The following NAV2 variants were observed in gnomAD, a reference collection of about 807,000 sequenced individuals.
NAV2 encodes neuron navigator 2.
Under a neutral mutation model 223.2 loss-of-function variants are expected in NAV2, and 54 were observed. The observed-to-expected ratio is 0.24, with a 90% confidence interval of 0.19 to 0.30. The LOEUF is 0.30. NAV2 is among the 10% of genes least tolerant of loss of function. NAV2 has a pLI of 1.00. For missense variants in NAV2, 2,806 were observed against 3,147.5 expected (o/e 0.89, Z 2.60); for synonymous variants, 1,279 against 1,239.3 (o/e 1.03, Z -0.67).
At chr11:19,683,066 G>A (rs1183395575) in intron 1 of NAV2, among the ~76,000 whole-genome samples, 1 of 152,156 alleles carries the variant, frequency 6.6e-6, no homozygotes, top group Non-Finnish European at 1.5e-5. Context: ...AGAAGATCTG[G>A]GTTTCAGTGA....
chr11:19,723,114 G>A (rs2050905337), intron 1 of NAV2, among the ~76,000 whole-genome samples: 1 of 152,174 alleles, frequency 6.6e-6, no homozygotes, highest in Non-Finnish European at 1.5e-5. Context: ...TACCTTGGAT[G>A]GAGGACCTGA....
chr11:19,440,531 T>C (rs749476076), intron 1 of NAV2, among the ~76,000 whole-genome samples: 1 of 152,210 alleles, frequency 6.6e-6, no homozygotes, highest in Admixed American at 6.5e-5. Context: ...TCCTGGCTGA[T>C]TGTCTCATGG....
intron 11 of NAV2, among the ~76,000 whole-genome samples, chr11:19,993,730 G>T (rs1372797): frequency 0.16 from 24,664 of 152,260 alleles, 2,523 homozygotes; most frequent in East Asian, 0.5. Flanking sequence ...AGGTAAAATT[G>T]TCTTCTTGGT....
rs142676339 is a variant in NAV2, at chr11:19,766,042, C to T, written c.267+52080C>T. Among the ~76,000 whole-genome samples the T allele has an allele frequency of 5.1e-3, 772 of 152,224 alleles. 5 individuals are homozygous for T. The highest frequency in any genetic ancestry group is 0.017 in the African/African-American group (714 of 41,522). The stretch of plus-strand genomic sequence containing the variant: ...CCCTCCCTATCACCCAGAATAGAAC[C>T]TGGCACTTAGTGGTCAATCAGAAAA... On this transcript the variant is annotated intron_variant, in intron 1 of 37. Coordinates refer to ENST00000349880, the MANE Select transcript of NAV2 (RefSeq NM_145117.5).
chr11:19,685,256 C>T (rs1054478485), intron 1 of NAV2, among the ~76,000 whole-genome samples: 1 of 152,178 alleles, frequency 6.6e-6, no homozygotes, highest in Non-Finnish European at 1.5e-5. Context: ...ACCTTAATTT[C>T]CAGCCAAATG....
chr11:19,951,486 G>T (rs547507162), intron 10 of NAV2, among the ~76,000 whole-genome samples: 1 of 152,144 alleles, frequency 6.6e-6, no homozygotes, highest in South Asian at 2.1e-4. Flanking sequence ...AAGACTTTTG[G>T]TATCTAGCAT....
intron 22 of NAV2, among the ~76,000 whole-genome samples, chr11:20,069,080 A>G (rs563465778): frequency 6.6e-6 from 1 of 152,244 alleles, no homozygotes; most frequent in African/African-American, 2.4e-5. Context: ...GTGGGGGATG[A>G]AAAAGGGGAC....
At chr11:19,613,966 A>G (rs1158896763) in intron 1 of NAV2, among the ~76,000 whole-genome samples, 4 of 152,236 alleles carry the variant, frequency 2.6e-5, no homozygotes, top group Non-Finnish European at 1.5e-5. Flanking sequence ...TATTCATGCA[A>G]TAAATAATTT....
At chr11:20,052,892 C>T (rs957115520) in intron 17 of NAV2, among the ~76,000 whole-genome samples, 5 of 151,976 alleles carry the variant, frequency 3.3e-5, no homozygotes, top group Admixed American at 1.3e-4. Context: ...TATATAAGTC[C>T]GAGGATACCC....
At chr11:19,834,997 A>G (rs1318184960) in intron 2 of NAV2, among the ~76,000 whole-genome samples, 1 of 152,224 alleles carries the variant, frequency 6.6e-6, no homozygotes, top group Non-Finnish European at 1.5e-5. Context: ...AGGTCTCAAT[A>G]TCTGTGTCAG....
intron 1 of NAV2, among the ~76,000 whole-genome samples, chr11:19,697,255 A>C (rs2049370552): frequency 6.6e-6 from 1 of 152,204 alleles, no homozygotes; most frequent in Admixed American, 6.5e-5. Flanking sequence ...AGATGGGAAC[A>C]ATAGACACTA....
intron 22 of NAV2, among the ~76,000 whole-genome samples, chr11:20,070,885 G>C (rs749077936): frequency 9.2e-5 from 14 of 152,122 alleles, no homozygotes; most frequent in Non-Finnish European, 1.9e-4. Flanking sequence ...GATCTCCAGA[G>C]CAAATGTGTT....
chr11:20,022,322 T>G (rs1015273919), intron 11 of NAV2, among the ~76,000 whole-genome samples: 9 of 152,200 alleles, frequency 5.9e-5, no homozygotes, highest in Non-Finnish European at 1.0e-4. Flanking sequence ...ATCCCAGAGC[T>G]GGGACTCTCT....
intron 1 of NAV2, among the ~76,000 whole-genome samples, chr11:19,472,121 G>T (rs1444469017): frequency 6.6e-6 from 1 of 152,178 alleles, no homozygotes; most frequent in East Asian, 1.9e-4. Flanking sequence ...GTCTCAGTTT[G>T]TTCATCTGTA....
intron 1 of NAV2, chr11:19,777,742 A>AG (rs1036365919): frequency 2.7e-5 from 11 of 414,212 alleles, no homozygotes; most frequent in African/African-American, 1.2e-4. Flanking sequence ...GAGTCATTGA[A>AG]GGGGGGTGGG....
chr11:20,004,101 C>A (rs1046639652), intron 11 of NAV2, among the ~76,000 whole-genome samples: 2 of 152,166 alleles, frequency 1.3e-5, no homozygotes, highest in Admixed American at 1.3e-4. Context: ...GGTCTTTAAA[C>A]TCCAGAGATG....
chr11:19,660,826 A>G (rs918946208), intron 1 of NAV2, among the ~76,000 whole-genome samples: 1 of 152,202 alleles, frequency 6.6e-6, no homozygotes, highest in Non-Finnish European at 1.5e-5. Context: ...TGTCCTTCTA[A>G]CTATAGTAGT....
At chr11:20,095,280 G>A (rs1204080715) in intron 29 of NAV2, among the ~76,000 whole-genome samples, 2 of 152,178 alleles carry the variant, frequency 1.3e-5, no homozygotes, top group Non-Finnish European at 2.9e-5. Context: ...TAAGCTCTGA[G>A]CCTGATGGGG....
At chr11:19,777,888 C>G (rs2056401465) in intron 1 of NAV2, 1 of 455,806 alleles carries the variant, frequency 2.2e-6, no homozygotes, top group Admixed American at 2.4e-5. Context: ...GTCCGCGTCC[C>G]CCGAGCCCCC....
Sources: allele counts gnomAD v4.1 joint callset (sites outside exome capture counted in the v4.1 genomes callset), GRCh38; gene constraint gnomAD v4.1.1; transcripts MANE v1.5; gene names NCBI Gene and HGNC (gene_info 2026-07-23, HGNC 2026-07-21).